SYT1: variants seen among roughly 807,000 people sequenced by gnomAD.
The protein encoded by SYT1 is synaptotagmin 1, also known as synaptotagmin-1.
SYT1 carries 8 observed loss-of-function variants against 44.8 expected under a neutral mutation model. The ratio of observed to expected loss-of-function variants is 0.18; its 90% CI spans 0.10 to 0.32. The LOEUF is 0.32. SYT1 is among the 10% of genes least tolerant of loss of function. The pLI is 1.00. For synonymous variants in SYT1, 154 were observed against 188.8 expected, an observed-to-expected ratio of 0.82 and a Z score of 1.51; for missense variants, 286 against 509.3, an observed-to-expected ratio of 0.56 and a Z score of 4.22.
At chr12:79,051,130 G>T (rs1201508986) in intron 3 of SYT1, among the ~76,000 whole-genome samples, 1 of 151,356 alleles carries the variant, frequency 6.6e-6, no homozygotes, top group East Asian at 1.9e-4. Flanking sequence ...AAAAATGCAT[G>T]TGTCGGAACT....
rs1880807463 is a variant in SYT1 at position 79,311,740 on chromosome 12, T to C, written c.810+12189T>C. ...GTAGGGACATGGATGAAATTGGAAA[T>C]CATCATTCTCAGTAAACTATCGCAA... is the stretch of plus-strand genomic sequence containing the variant. On this transcript the variant is annotated intron_variant, in intron 8 of 10. Transcript: ENST00000261205. Among the ~76,000 whole-genome samples the C allele has an allele frequency of 6.2e-5, 9 of 144,676 alleles. No homozygotes were observed. The South Asian group carries it at 2.1e-3, about 33-fold the overall frequency. 94.9% of individuals were successfully genotyped at this position (144,676 alleles called of 152,430 possible). A position where few individuals can be genotyped will look rare whatever the true frequency, so the allele number is the denominator to read the frequency against.
At chr12:78,972,566 A>G (rs1868459287) in intron 1 of SYT1, among the ~76,000 whole-genome samples, 1 of 151,464 alleles carries the variant, frequency 6.6e-6, no homozygotes, top group African/African-American at 2.4e-5. Context: ...TATGAGGCAC[A>G]TTTCTCTAAA....
chr12:79,199,099 C>G (rs911861339), intron 3 of SYT1, among the ~76,000 whole-genome samples: 4 of 152,128 alleles, frequency 2.6e-5, no homozygotes, highest in African/African-American at 9.7e-5. Context: ...ATCTCAAGGG[C>G]AGTAGAGACT....
At chr12:79,012,431 G>A (rs1037255468) in intron 2 of SYT1, among the ~76,000 whole-genome samples, 2 of 152,072 alleles carry the variant, frequency 1.3e-5, no homozygotes, top group Admixed American at 6.6e-5. Flanking sequence ...ACCATACATA[G>A]CACAAACCAT....
intron 2 of SYT1, among the ~76,000 whole-genome samples, chr12:79,017,320 A>T (rs191942983): frequency 1.1e-4 from 16 of 152,142 alleles, no homozygotes; most frequent in Non-Finnish European, 1.5e-4. Context: ...CAAAATAATT[A>T]ATCATAGTCT....
intron 8 of SYT1, among the ~76,000 whole-genome samples, chr12:79,341,041 G>A (rs967239082): frequency 6.6e-6 from 1 of 152,030 alleles, no homozygotes; most frequent in Non-Finnish European, 1.5e-5. Context: ...AGCTTCTTAG[G>A]GCAAAGACAT....
At chr12:79,170,344 A>T (rs1871442571) in intron 3 of SYT1, among the ~76,000 whole-genome samples, 1 of 152,032 alleles carries the variant, frequency 6.6e-6, no homozygotes, top group Admixed American at 6.6e-5. Flanking sequence ...TTTTCTCCAC[A>T]ACCTTGCCAG....
At chr12:79,053,105 C>T (rs1253599877) in intron 3 of SYT1, among the ~76,000 whole-genome samples, 1 of 152,090 alleles carries the variant, frequency 6.6e-6, no homozygotes, top group Admixed American at 6.6e-5. Context: ...TTGGAACCAA[C>T]CCAAATGTCC....
At chr12:79,040,763 C>T (rs945071361) in intron 2 of SYT1, among the ~76,000 whole-genome samples, 13 of 152,132 alleles carry the variant, frequency 8.5e-5, no homozygotes, top group Non-Finnish European at 1.0e-4. Context: ...TTAGGTCTAA[C>T]GTTTAAGTCT....
chr12:79,198,734 A>G (rs1873606796), intron 3 of SYT1, among the ~76,000 whole-genome samples: 1 of 152,298 alleles, frequency 6.6e-6, no homozygotes, highest in Non-Finnish European at 1.5e-5. Flanking sequence ...AAGCTTCAGG[A>G]AACAAGATGT....
intron 9 of SYT1, among the ~76,000 whole-genome samples, chr12:79,386,416 T>C (rs1406581165): frequency 1.3e-5 from 2 of 152,170 alleles, no homozygotes; most frequent in African/African-American, 4.8e-5. Context: ...GTTTGTTACA[T>C]AGGTATACAC....
intron 3 of SYT1, among the ~76,000 whole-genome samples, chr12:79,048,581 G>T (rs1478883820): frequency 6.6e-6 from 1 of 151,750 alleles, no homozygotes; most frequent in Non-Finnish European, 1.5e-5. Flanking sequence ...GTTATGAACG[G>T]CCATATATTT....
At chr12:79,419,135 A>G in intron 9 of SYT1, 3 of 381,574 alleles carry the variant, frequency 7.9e-6, no homozygotes, top group South Asian at 5.8e-5. Context: ...ACCAATAGAA[A>G]GTTTTGCCTT....
intron 8 of SYT1, among the ~76,000 whole-genome samples, chr12:79,308,820 C>T (rs1360409868): frequency 1.3e-5 from 2 of 152,046 alleles, no homozygotes; most frequent in Non-Finnish European, 2.9e-5. Flanking sequence ...GGATAATGAG[C>T]GAGTCTACAA....
At chr12:79,238,926 T>C (rs112653322) in intron 4 of SYT1, among the ~76,000 whole-genome samples, 7 of 152,344 alleles carry the variant, frequency 4.6e-5, no homozygotes, top group African/African-American at 1.7e-4. Context: ...GCTTCTTTGA[T>C]CAGAGTCTCC....
intron 9 of SYT1, among the ~76,000 whole-genome samples, chr12:79,435,207 C>T (rs577662141): frequency 3.8e-4 from 58 of 152,244 alleles, no homozygotes; most frequent in African/African-American, 1.3e-3. Context: ...AAAGCAATGG[C>T]TGGGACCTTG....
At chr12:78,876,926 AT>A (rs1874201920) in intron 1 of SYT1, among the ~76,000 whole-genome samples, 1 of 88,388 alleles carries the variant, frequency 1.1e-5, no homozygotes, top group Non-Finnish European at 2.1e-5. Context: ...TATATAATAT[AT>A]ATTATATATT....
At chr12:79,056,712 C>A (rs1038418163) in intron 3 of SYT1, among the ~76,000 whole-genome samples, 7 of 151,996 alleles carry the variant, frequency 4.6e-5, no homozygotes, top group Non-Finnish European at 8.8e-5. Context: ...TACATGGCAA[C>A]TCTCATTTTA....
chr12:79,027,801 G>T (rs1291690099), intron 2 of SYT1, among the ~76,000 whole-genome samples: 1 of 151,512 alleles, frequency 6.6e-6, no homozygotes, highest in Admixed American at 6.6e-5. Flanking sequence ...CAATATAAAA[G>T]CATAGCACCA....
Sources: gnomAD v4.1 joint callset for allele counts (sites outside exome capture counted in the v4.1 genomes callset) on GRCh38, gnomAD v4.1.1 for gene constraint, MANE v1.5 for transcripts, NCBI Gene and HGNC (gene_info 2026-07-23, HGNC 2026-07-21) for gene names.